The following RASGRP1 variants were observed in gnomAD, a reference collection of about 807,000 sequenced individuals.
RASGRP1 encodes the protein RAS guanyl-releasing protein 1.
RASGRP1 carries 37 observed loss-of-function variants against 95.1 expected under a neutral mutation model. That is an observed-to-expected ratio of 0.39 (90% CI 0.30 to 0.51). The LOEUF (loss-of-function observed/expected upper bound fraction) is 0.51. RASGRP1 is among the 20% of genes least tolerant of loss of function. RASGRP1 has a pLI of 0.80. For synonymous variants in RASGRP1, 325 were observed against 353.4 expected (o/e 0.92, Z 0.90); for missense variants, 711 against 965.4 (o/e 0.74, Z 3.49).
chr15:38,526,376 G>T lies in RASGRP1; in HGVS notation c.249C>A (p.Asn83Lys). ...FDADGNLCRS[N>K]QLLQVMLTMH... ...TGGTCAGCATGACTTGCAACAGTTGGTTACTTCGACACAGGTTTCCATCTG... is the reference window on the plus strand; with the variant it reads ...TGGTCAGCATGACTTGCAACAGTTGTTTACTTCGACACAGGTTTCCATCTG... Residue 83 changes from asparagine to lysine, a missense_variant, in exon 3 of 17, where the codon AAC (asparagine) becomes AAA (lysine). Coordinates refer to ENST00000310803, the MANE Select transcript of RASGRP1 (RefSeq NM_005739.4). 6.2e-7 allele frequency: 1 copy of T among 1,613,210 alleles called. No homozygotes were observed. The highest frequency in any genetic ancestry group is 8.5e-7 in the Non-Finnish European group (1 of 1,179,384).
chr15:38,525,602 G>A (rs1296986753), intron 3 of RASGRP1, among the ~76,000 whole-genome samples: 1 of 152,156 alleles, frequency 6.6e-6, no homozygotes, highest in Non-Finnish European at 1.5e-5. Flanking sequence ...GAAACGCGGG[G>A]AATTAGGAGA....
intron 2 of RASGRP1, among the ~76,000 whole-genome samples, chr15:38,543,039 A>G (rs1394752157): frequency 6.6e-6 from 1 of 151,426 alleles, no homozygotes; most frequent in African/African-American, 2.4e-5. Flanking sequence ...TGATTTTTAT[A>G]AAGTCCAATT....
intron 6 of RASGRP1, among the ~76,000 whole-genome samples, chr15:38,515,885 GAC>G (rs932420661): frequency 4.7e-5 from 5 of 107,198 alleles, no homozygotes; most frequent in Admixed American, 1.9e-4. Context: ...GAATGAGAGA[GAC>G]AGAGAGAGAG....
chr15:38,513,726 C>A (rs1056834356), intron 6 of RASGRP1, among the ~76,000 whole-genome samples: 13 of 152,200 alleles, frequency 8.5e-5, no homozygotes, highest in Admixed American at 8.5e-4. Flanking sequence ...GCTATTGTGT[C>A]CCTGTCACAA....
chr15:38,534,657 G>C (rs918108477), intron 2 of RASGRP1: 1 of 152,220 alleles, frequency 6.6e-6, no homozygotes, highest in Non-Finnish European at 1.5e-5. Context: ...CCCAACTGCT[G>C]GGGCAGTGAT....
At chr15:38,508,043 G>A (rs536750931) in intron 8 of RASGRP1, 42 bp from the exon 9 acceptor site, 57 of 1,554,514 alleles carry the variant, frequency 3.7e-5, no homozygotes, top group Non-Finnish European at 4.5e-5. Context: ...CCGCTAGGCA[G>A]TGTGCATTGT....
rs892900177 is a variant in RASGRP1 at position 38,512,671 on chromosome 15, G to A, written c.849+112C>T. 44 of 1,307,554 alleles carry A rather than the reference G, an allele frequency of 3.4e-5. No homozygotes were observed. In the East Asian group the frequency reaches 6.9e-4, roughly 21 times the overall value. 81.0% of individuals were successfully genotyped at this position (1,307,554 alleles called of 1,614,324 possible). On this transcript the variant is annotated intron_variant, in intron 7 of 16. Transcript: ENST00000310803. ...GGCACACAAACCTCTCCACCCCCTC[G>A]CCATGGTTCAGGAGGGAAAAAACAG...
At chr15:38,554,016 T>A (rs568934246) in intron 2 of RASGRP1, among the ~76,000 whole-genome samples, 1 of 152,332 alleles carries the variant, frequency 6.6e-6, no homozygotes, top group East Asian at 1.9e-4. Flanking sequence ...TCAACATCCA[T>A]TCATGGGTCA....
chr15:38,560,216 T>G, intron 1 of RASGRP1: 7 of 562,562 alleles, frequency 1.2e-5, no homozygotes, highest in Non-Finnish European at 1.9e-5. Context: ...GGGTTGCAAC[T>G]AGTGCTCTTC....
chr15:38,549,074 A>C (rs1893223422), intron 2 of RASGRP1, among the ~76,000 whole-genome samples: 1 of 152,224 alleles, frequency 6.6e-6, no homozygotes, highest in African/African-American at 2.4e-5. Context: ...CCAGGGCCAG[A>C]GGCGAGGGTC....
At chr15:38,561,625 C>T (rs987336193) in intron 1 of RASGRP1, among the ~76,000 whole-genome samples, 1 of 152,264 alleles carries the variant, frequency 6.6e-6, no homozygotes, top group Non-Finnish European at 1.5e-5. Context: ...CAGTACACAG[C>T]TAGACCTGTG....
At chr15:38,520,128 G>A (rs887770901) in intron 3 of RASGRP1, among the ~76,000 whole-genome samples, 1 of 152,186 alleles carries the variant, frequency 6.6e-6, no homozygotes, top group African/African-American at 2.4e-5. Context: ...AAAGAGATGA[G>A]AACTCCAATG....
chr15:38,525,585 G>GT (rs1892186194), intron 3 of RASGRP1, among the ~76,000 whole-genome samples: 1 of 152,156 alleles, frequency 6.6e-6, no homozygotes, highest in Non-Finnish European at 1.5e-5. Flanking sequence ...TCTGTGTGCT[G>GT]TAAGATGAAA....
Position 38,507,909 on chromosome 15 carries a change from G to A in RASGRP1, c.1059C>T (p.Pro353=), listed in dbSNP as rs774892001. 16 of 1,613,378 alleles carry A rather than the reference G, an allele frequency of 9.9e-6. No individual in the cohort carries two copies. The East Asian group carries it at 1.3e-4, about 14-fold the overall frequency. The change falls in exon 9 of 17, where the codon CCC becomes CCT. Residue 353 remains proline (P), a synonymous_variant. Transcript: ENST00000310803. ...AYGECTDFKI[P]ILGVHLKDLI... Reference sequence around the variant, plus strand: ...GGTCCTTGAGATGCACACCCAGAATGGGGATCTTGAAGTCGGTGCACTCTC... The same window carrying A: ...GGTCCTTGAGATGCACACCCAGAATAGGGATCTTGAAGTCGGTGCACTCTC...
intron 2 of RASGRP1, among the ~76,000 whole-genome samples, chr15:38,558,277 T>C (rs947044616): frequency 8.5e-5 from 13 of 152,326 alleles, no homozygotes; most frequent in African/African-American, 2.9e-4. Flanking sequence ...CACCATCCTC[T>C]AGTTTATCTC....
At chr15:38,524,925 C>T (rs1892152442) in intron 3 of RASGRP1, among the ~76,000 whole-genome samples, 2 of 150,780 alleles carry the variant, frequency 1.3e-5, no homozygotes, top group South Asian at 4.2e-4. Context: ...ATGTAGGCAG[C>T]CAGTAGTGCA....
chr15:38,536,190 G>T (rs1004098426), intron 2 of RASGRP1, among the ~76,000 whole-genome samples: 1 of 152,198 alleles, frequency 6.6e-6, no homozygotes, highest in Admixed American at 6.5e-5. Context: ...TTGATGAGCT[G>T]CCATGCACGC....
chr15:38,546,344 A>G (rs189739424), intron 2 of RASGRP1, among the ~76,000 whole-genome samples: 178 of 152,116 alleles, frequency 1.2e-3, no homozygotes, highest in African/African-American at 4.2e-3. Context: ...CAGCCTCCAG[A>G]GTATTCTGTT....
chr15:38,522,387 A>G (rs903742129), intron 3 of RASGRP1, among the ~76,000 whole-genome samples: 8 of 152,224 alleles, frequency 5.3e-5, no homozygotes, highest in African/African-American at 1.2e-4. Context: ...TAGGCACTAC[A>G]TTGCAAAACG....
Sources: allele counts gnomAD v4.1 joint callset (sites outside exome capture counted in the v4.1 genomes callset), GRCh38; gene constraint gnomAD v4.1.1; transcripts MANE v1.5; gene names NCBI Gene and HGNC (gene_info 2026-07-23, HGNC 2026-07-21).